MERTK: variants seen among roughly 807,000 people sequenced by gnomAD.
MERTK encodes tyrosine-protein kinase Mer.
In MERTK, 69 loss-of-function variants were observed where a neutral mutation model predicts 99.3. The ratio of observed to expected loss-of-function variants is 0.70; its 90% CI spans 0.57 to 0.85. The LOEUF (loss-of-function observed/expected upper bound fraction) is 0.85. Ranked by LOEUF, MERTK falls within the 40% of genes least tolerant of loss-of-function variation. MERTK has a pLI of 0.00. For missense variants in MERTK, 1,125 were observed against 1,249.4 expected (o/e 0.90, Z 1.50); for synonymous variants, 426 against 467.6 (o/e 0.91, Z 1.15).
intron 7 of MERTK, among the ~76,000 whole-genome samples, chr2:111,976,432 C>G (rs1676250953): frequency 6.6e-6 from 1 of 151,994 alleles, no homozygotes; most frequent in Non-Finnish European, 1.5e-5. Context: ...TTTTCTGAGG[C>G]CTGCCCCTGA....
chr2:111,926,854 G>A (rs536111521), intron 1 of MERTK, among the ~76,000 whole-genome samples: 1 of 152,338 alleles, frequency 6.6e-6, no homozygotes, highest in East Asian at 1.9e-4. Flanking sequence ...CAGAGGAAGG[G>A]GAGCCCCCTC....
intron 5 of MERTK, among the ~76,000 whole-genome samples, chr2:111,965,646 A>G (rs74570637): frequency 0.015 from 2,282 of 152,136 alleles, 74 homozygotes; most frequent in African/African-American, 0.053. Context: ...ACCGTGAACT[A>G]CTCATTAACC....
chr2:111,980,852 C>A (rs1573617346), intron 7 of MERTK, among the ~76,000 whole-genome samples: 1 of 152,148 alleles, frequency 6.6e-6, no homozygotes, highest in African/African-American at 2.4e-5. Context: ...GTTAATTATA[C>A]CTTCTTCATC....
chr2:112,008,483 C>G lies in MERTK; in HGVS notation c.1960+8C>G, dbSNP rs112541306. The stretch of plus-strand genomic sequence containing the variant: ...ATGTCATTCGACTTCTAGGTACTTC[C>G]GAGAAATGCAGGAGTGGGTGGCCAA... On this transcript the variant is annotated splice_region_variant and intron_variant, in intron 14 of 18. Transcript: ENST00000295408. The G allele has an allele frequency of 2.0e-4, 317 of 1,610,222 alleles. No homozygotes were observed. In the African/African-American group the frequency reaches 3.8e-3, roughly 19 times the overall value.
intron 9 of MERTK, chr2:111,994,835 A>G (rs538874867): frequency 2.8e-4 from 87 of 310,362 alleles, no homozygotes; most frequent in African/African-American, 1.3e-3. Flanking sequence ...AATTTTTCCA[A>G]TGATAAAGAT....
intron 1 of MERTK, among the ~76,000 whole-genome samples, chr2:111,908,637 T>C (rs1284969644): frequency 1.3e-5 from 2 of 152,238 alleles, no homozygotes; most frequent in Non-Finnish European, 2.9e-5. Context: ...AAAACCTTAC[T>C]TCAGTGGTGT....
chr2:111,902,069 G>A (rs1209570621), intron 1 of MERTK, among the ~76,000 whole-genome samples: 1 of 152,062 alleles, frequency 6.6e-6, no homozygotes, highest in Non-Finnish European at 1.5e-5. Flanking sequence ...ATTTTTGGTA[G>A]AGACAGGGTT....
In MERTK at chr2:112,028,792, C is replaced by T. The variant is rs151054792; in HGVS notation, c.2928C>T (p.Pro976=). ...GVSWSHSSML[P]LGSSLPDELL... ...CCTGGTCCCATTCGAGCATGCTGCC[C>T]TTGGGAAGCTCATTGCCCGATGAAC... Residue 976 remains proline, a synonymous_variant, in exon 19 of 19, where the codon CCC becomes CCT. Coordinates refer to ENST00000295408, the MANE Select transcript of MERTK (RefSeq NM_006343.3). 3.1e-6 allele frequency: 5 copies of T among 1,614,098 alleles called. No homozygotes were observed. The highest frequency in any genetic ancestry group is 3.4e-6 in the Non-Finnish European group (4 of 1,180,034).
chr2:112,002,130 C>T (rs942858819), intron 11 of MERTK, among the ~76,000 whole-genome samples: 1 of 152,054 alleles, frequency 6.6e-6, no homozygotes, highest in African/African-American at 2.4e-5. Flanking sequence ...CAGACTGAAT[C>T]ATTTGCCAAG....
At chr2:111,970,411 C>T (rs1312884690) in intron 6 of MERTK, among the ~76,000 whole-genome samples, 3 of 152,060 alleles carry the variant, frequency 2.0e-5, no homozygotes, top group African/African-American at 7.2e-5. Context: ...CCAGCCTCAG[C>T]CTCCCAAAGT....
At chr2:111,964,188 C>G (rs1459462840) in intron 4 of MERTK, among the ~76,000 whole-genome samples, 5 of 152,006 alleles carry the variant, frequency 3.3e-5, no homozygotes, top group Admixed American at 6.5e-5. Context: ...GAAGGTTTGT[C>G]TATTCTCTCC....
Position 111,929,290 on chromosome 2 carries a change from G to C in MERTK, c.232G>C (p.Val78Leu), listed in dbSNP as rs764637670. ...GCCTGGAAGACCACATACAGGAAAC[G>C]TAGCCATTCCCCAGGTGACCTCTGT... ...TQPGRPHTGN[V>L]AIPQVTSVES... The change falls in exon 2 of 19, where the codon GTA (valine) becomes CTA (leucine). Residue 78 changes from valine to leucine, a missense_variant. Physicochemically the swap from Val to Leu is conservative, Grantham distance 32. Coordinates refer to ENST00000295408, the MANE Select transcript of MERTK (RefSeq NM_006343.3). 1.2e-6 allele frequency: 2 copies of C among 1,614,216 alleles called. No individual in the cohort carries two copies. The highest frequency in any genetic ancestry group is 3.3e-5 in the Admixed American group (2 of 60,022).
At chr2:111,930,662 C>T (rs868411703) in intron 2 of MERTK, among the ~76,000 whole-genome samples, 2 of 152,046 alleles carry the variant, frequency 1.3e-5, no homozygotes, top group Admixed American at 6.6e-5. Flanking sequence ...TCTCAGTACT[C>T]CACTTTGTTT....
At chr2:111,969,746 C>T (rs1323269895) in intron 6 of MERTK, among the ~76,000 whole-genome samples, 1 of 146,356 alleles carries the variant, frequency 6.8e-6, no homozygotes, top group Non-Finnish European at 1.5e-5. Flanking sequence ...GGCTGGAGTG[C>T]AGTGGCGCGA....
intron 10 of MERTK, among the ~76,000 whole-genome samples, chr2:112,000,739 G>A (rs1005744364): frequency 8.5e-5 from 13 of 152,152 alleles, no homozygotes; most frequent in Non-Finnish European, 1.6e-4. Context: ...TTCTTTGGAA[G>A]CAAGTCACTA....
Position 111,917,799 on chromosome 2 carries a change from C to T in MERTK, c.62-11321C>T, listed in dbSNP as rs143209968. Reference sequence around the variant, plus strand: ...ACTCCGGAGGCTGAGGCAGGAGAATCGCTTAAACCTGGGAGGTGGAGGTTG... The same window carrying T: ...ACTCCGGAGGCTGAGGCAGGAGAATTGCTTAAACCTGGGAGGTGGAGGTTG... On this transcript the variant is annotated intron_variant, in intron 1 of 18. Transcript: ENST00000295408. Among the ~76,000 whole-genome samples, 261 of 151,532 alleles carry T rather than the reference C, an allele frequency of 1.7e-3. 8 individuals carry two copies. The East Asian group carries it at 0.044, about 26-fold the overall frequency.
intron 4 of MERTK, chr2:111,952,687 C>T (rs11673958): frequency 0.52 from 79,763 of 151,984 alleles, 21,096 homozygotes; most frequent in Middle Eastern, 0.56. Flanking sequence ...ACTAATCTTC[C>T]CTGTTATTGT....
intron 1 of MERTK, among the ~76,000 whole-genome samples, chr2:111,919,063 C>T (rs1221487568): frequency 6.6e-6 from 1 of 152,210 alleles, no homozygotes. Context: ...AGGTGACTTA[C>T]ACAAGGTCAC....
chr2:111,911,174 GT>G (rs1187349649), intron 1 of MERTK, among the ~76,000 whole-genome samples: 1 of 152,038 alleles, frequency 6.6e-6, no homozygotes, highest in Admixed American at 6.6e-5. Flanking sequence ...GGGGAAATGG[GT>G]GCTGAGCAGG....
Sources: allele counts gnomAD v4.1 joint callset (sites outside exome capture counted in the v4.1 genomes callset), GRCh38; gene constraint gnomAD v4.1.1; transcripts MANE v1.5; gene names NCBI Gene and HGNC (gene_info 2026-07-23, HGNC 2026-07-21).